MAP3K7CL: variants seen among roughly 807,000 people sequenced by gnomAD.
MAP3K7CL encodes MAP3K7 C-terminal-like protein.
In MAP3K7CL, 16 loss-of-function variants were observed where a neutral mutation model predicts 18.6. The observed-to-expected ratio is 0.86, with a 90% CI of 0.58 to 1.31. The LOEUF is 1.31. Among genes scored for constraint, MAP3K7CL ranks in the 50% most tolerant of loss-of-function variants. The pLI is 0.00. For synonymous variants in MAP3K7CL, 65 were observed against 66.8 expected, an observed-to-expected ratio of 0.97 and a Z score of 0.13; for missense variants, 163 against 174.4, an observed-to-expected ratio of 0.93 and a Z score of 0.37.
At chr21:29,109,646 T>C in intron 4 of MAP3K7CL, 1 of 990,566 alleles carries the variant, frequency 1.0e-6, no homozygotes, top group Non-Finnish European at 1.2e-6. Flanking sequence ...GATGAATGTC[T>C]ATAAGTGATA....
chr21:29,092,353 CAG>C, intron 3 of MAP3K7CL: 1 of 1,521,624 alleles, frequency 6.6e-7, no homozygotes, highest in Non-Finnish European at 9.1e-7. Flanking sequence ...AATTTCTTCT[CAG>C]GGAAAAAAAG....
At chr21:29,082,777 C>G (rs11910725), upstream of MAP3K7CL, among the ~76,000 whole-genome samples, 3,110 of 152,258 alleles carry the variant, frequency 0.02, 108 homozygotes, top group African/African-American at 0.071. Flanking sequence ...AAACCCCAGT[C>G]CCTGCTTTTG....
chr21:29,115,042 C>T (rs140004564), intron 4 of MAP3K7CL, among the ~76,000 whole-genome samples: 90 of 152,172 alleles, frequency 5.9e-4, no homozygotes, highest in East Asian at 1.5e-3. Context: ...TTATGTTTGC[C>T]CATTGGACAG....
chr21:29,098,888 A>C (rs1387571355), intron 4 of MAP3K7CL, among the ~76,000 whole-genome samples: 1 of 152,130 alleles, frequency 6.6e-6, no homozygotes, highest in Non-Finnish European at 1.5e-5. Flanking sequence ...TTGCCTCCTC[A>C]GTTATGAGTA....
chr21:29,093,183 C>T (rs919494723), intron 4 of MAP3K7CL, among the ~76,000 whole-genome samples: 1 of 152,208 alleles, frequency 6.6e-6, no homozygotes, highest in Admixed American at 6.5e-5. Context: ...GGATTACAGG[C>T]GTAAGCCCCT....
intron 4 of MAP3K7CL, among the ~76,000 whole-genome samples, chr21:29,103,181 G>A (rs1033248085): frequency 6.6e-6 from 1 of 152,200 alleles, no homozygotes; most frequent in Non-Finnish European, 1.5e-5. Flanking sequence ...CATGTCTGTT[G>A]GTTTATATAG....
chr21:29,146,338 A>G (rs1409419433), intron 2 of MAP3K7CL, among the ~76,000 whole-genome samples: 1 of 152,238 alleles, frequency 6.6e-6, no homozygotes, highest in Admixed American at 6.5e-5. Flanking sequence ...CGTGATGTCT[A>G]GGTTATTAAA....
intron 4 of MAP3K7CL, among the ~76,000 whole-genome samples, chr21:29,097,168 C>T (rs2086137873): frequency 6.6e-6 from 1 of 151,750 alleles, no homozygotes; most frequent in Non-Finnish European, 1.5e-5. Context: ...AAGAGGGACA[C>T]ATAATACTGG....
At chr21:29,140,931 T>C (rs927936672) in intron 2 of MAP3K7CL, among the ~76,000 whole-genome samples, 3 of 152,064 alleles carry the variant, frequency 2.0e-5, no homozygotes, top group Admixed American at 2.0e-4. Context: ...GCATGTACCA[T>C]GATACTCGGT....
chr21:29,170,663 G>A (rs748337383), intron 4 of MAP3K7CL, among the ~76,000 whole-genome samples: 2 of 150,782 alleles, frequency 1.3e-5, no homozygotes, highest in Non-Finnish European at 3.0e-5. Context: ...TTTTTGGAAT[G>A]GAGTCTCACT....
chr21:29,150,798 C>T, intron 3 of MAP3K7CL, among the ~76,000 whole-genome samples: 1 of 129,762 alleles, frequency 7.7e-6, no homozygotes, highest in African/African-American at 2.9e-5. Context: ...GAGACAGAGT[C>T]TCCCTTGGTC....
chr21:29,126,679 A>T (rs1307193730), upstream of MAP3K7CL, among the ~76,000 whole-genome samples: 4 of 152,032 alleles, frequency 2.6e-5, no homozygotes, highest in African/African-American at 9.7e-5. Flanking sequence ...GGCTGGTCTC[A>T]AATTCCTGAC....
Position 29,090,267 on chromosome 21 carries a change from C to A in MAP3K7CL, c.58-1234C>A, listed in dbSNP as rs534913904. Reference sequence around the variant, plus strand: ...TTTTATAAGATTAAAAGAGATTATTCAATGAAAGAAGTGAGGAAGGCACAA... The same window carrying A: ...TTTTATAAGATTAAAAGAGATTATTAAATGAAAGAAGTGAGGAAGGCACAA... On this transcript the variant is annotated intron_variant, in intron 1 of 6. Coordinates refer to the MAP3K7CL transcript ENST00000286791. 6.4e-4 allele frequency among the ~76,000 whole-genome samples: 98 copies of A among 152,272 alleles called. 1 individual carries two copies. In the South Asian group the frequency reaches 0.019, roughly 30 times the overall value.
At chr21:29,121,055 G>GACCCTGTATCAAAAAAAGAT (rs58666252) in intron 4 of MAP3K7CL, among the ~76,000 whole-genome samples, 1,411 of 121,110 alleles carry the variant, frequency 0.012, 201 homozygotes, top group African/African-American at 0.036. Context: ...AACAGAGTCA[G>GACCCTGTATCAAAAAAAGAT]ATATATATAT....
At chr21:29,155,426 G>A (rs2087377925) in intron 3 of MAP3K7CL, among the ~76,000 whole-genome samples, 1 of 152,144 alleles carries the variant, frequency 6.6e-6, no homozygotes, top group Non-Finnish European at 1.5e-5. Context: ...AATAGAAAAC[G>A]GAAACGCCCG....
chr21:29,077,186 C>T (rs1317668686), upstream of MAP3K7CL, among the ~76,000 whole-genome samples: 1 of 152,240 alleles, frequency 6.6e-6, no homozygotes, highest in African/African-American at 2.4e-5. Context: ...AGTCCGCCGC[C>T]GTGAGCCCAC....
chr21:29,123,753 G>T (rs1369971184), intron 4 of MAP3K7CL, among the ~76,000 whole-genome samples: 2 of 152,210 alleles, frequency 1.3e-5, no homozygotes, highest in Non-Finnish European at 2.9e-5. Flanking sequence ...GGTGGTGGTT[G>T]TTGGTGTGAT....
At chr21:29,172,109 G>A (rs2087848526) in intron 4 of MAP3K7CL, among the ~76,000 whole-genome samples, 1 of 151,300 alleles carries the variant, frequency 6.6e-6, no homozygotes, top group Admixed American at 6.6e-5. Context: ...TTAAAATCAA[G>A]AAATTTAGCA....
intron 4 of MAP3K7CL, among the ~76,000 whole-genome samples, chr21:29,097,199 TTCAC>T (rs1431846159): frequency 2.6e-5 from 4 of 152,036 alleles, no homozygotes; most frequent in African/African-American, 9.7e-5. Context: ...CCCAAAAATA[TTCAC>T]TCAGAGTATC....
Sources: allele counts gnomAD v4.1 joint callset (sites outside exome capture counted in the v4.1 genomes callset), GRCh38; gene constraint gnomAD v4.1.1; transcripts MANE v1.5; gene names NCBI Gene and HGNC (gene_info 2026-07-23, HGNC 2026-07-21).